Variants in CRYZ observed in about 807,000 individuals in gnomAD.
The protein encoded by CRYZ is crystallin zeta.
A neutral mutation model predicts 34.1 loss-of-function variants in CRYZ; 35 were observed. The observed-to-expected ratio is 1.03, with a 90% confidence interval of 0.78 to 1.36. CRYZ has a LOEUF of 1.36. Ranked by LOEUF, CRYZ falls within the 40% of genes most tolerant of loss-of-function variation. The pLI, the probability that CRYZ is intolerant of heterozygous loss-of-function variation, is 0.00. For synonymous variants in CRYZ, 137 were observed against 136.5 expected (o/e 1.00, Z -0.03); for missense variants, 403 against 391.8 (o/e 1.03, Z -0.24).
intron 5 of CRYZ, among the ~76,000 whole-genome samples, chr1:74,711,217 G>A (rs945351095): frequency 6.6e-5 from 10 of 152,166 alleles, no homozygotes; most frequent in African/African-American, 2.4e-4. Context: ...AGAGGCTTCC[G>A]AGTATATTAA....
At chr1:74,714,065 A>G (rs1044581897) in intron 5 of CRYZ, among the ~76,000 whole-genome samples, 2 of 151,900 alleles carry the variant, frequency 1.3e-5, no homozygotes, top group African/African-American at 4.8e-5. Flanking sequence ...GGTGTTAAGG[A>G]CAGGGCTGTA....
chr1:74,722,999 T>G lies in CRYZ; in HGVS notation c.264+119A>C, dbSNP rs141839145. 538 of 935,530 alleles carry G rather than the reference T, an allele frequency of 5.8e-4. 1 individual carries two copies. The African/African-American group carries it at 8.3e-3, about 14-fold the overall frequency. 58.0% of individuals were successfully genotyped at this position (935,530 alleles called of 1,614,324 possible). ...TTTTTGACTAGAGGAGTCCCCCGAGTGGCAGAAATTGTGTAATGGGGCCTT... is the reference window on the plus strand; with the variant it reads ...TTTTTGACTAGAGGAGTCCCCCGAGGGGCAGAAATTGTGTAATGGGGCCTT... On this transcript the variant is annotated intron_variant, in intron 3 of 8. Transcript: ENST00000340866.
rs775465306 is a variant in CRYZ, at chr1:74,710,112, T to C, written c.616A>G (p.Ile206Val). The C allele has an allele frequency of 6.2e-6, 10 of 1,612,954 alleles. No homozygotes were observed. Among genetic ancestry groups the C allele is most frequent in the Non-Finnish European group, 8.5e-6 (10 of 1,179,486 alleles). The change falls in exon 6 of 9, where the codon ATT (isoleucine) becomes GTT (valine). Residue 206 changes from isoleucine to valine, a missense_variant. Transcript: ENST00000340866. ...EVFNHREVNY[I>V]DKIKKYVGEK... ...GAAAATTTTACCTTAATTTTATCAATGTAATTCACTTCTCTGTGATTGAAC... is the reference window on the plus strand; with the variant it reads ...GAAAATTTTACCTTAATTTTATCAACGTAATTCACTTCTCTGTGATTGAAC...
Position 74,727,270 on chromosome 1 carries a change from A to G in CRYZ, c.-13-2436T>C, listed in dbSNP as rs144576274. ...TGAGACTGGGTACAATTTATAAAGG[A>G]AAGAGGTTTAAGGGATCACAGTTTC... On this transcript the variant is annotated intron_variant, in intron 1 of 8. Transcript: ENST00000340866. Among the ~76,000 whole-genome samples, 496 of 124,976 alleles carry G rather than the reference A, an allele frequency of 4.0e-3. 2 individuals are homozygous for G. The highest frequency in any genetic ancestry group is 0.013 in the African/African-American group (481 of 38,270). 82.0% of individuals were successfully genotyped at this position (124,976 alleles called of 152,430 possible). A position where few individuals can be genotyped will look rare whatever the true frequency, so the allele number is the denominator to read the frequency against.
chr1:74,711,466 G>A (rs528327232), intron 5 of CRYZ, among the ~76,000 whole-genome samples: 1 of 152,322 alleles, frequency 6.6e-6, no homozygotes, highest in Admixed American at 6.5e-5. Context: ...AAGCTAATGG[G>A]ACTTCCTCAC....
chr1:74,710,300 A>G, intron 5 of CRYZ, 53 bp from the exon 6 acceptor site: 1 of 1,527,654 alleles, frequency 6.5e-7, no homozygotes, highest in Non-Finnish European at 8.9e-7. Context: ...TCCTGTAAAC[A>G]CTTAAATACA....
intron 6 of CRYZ, chr1:74,707,630 C>T (rs916041394): frequency 6.5e-6 from 1 of 153,174 alleles, no homozygotes; most frequent in Non-Finnish European, 1.5e-5. Flanking sequence ...TTCGGTTTTG[C>T]ATGATTTTTG....
intron 6 of CRYZ, 21 bp from the exon 7 acceptor site, chr1:74,707,225 G>A (rs1426032109): frequency 7.5e-7 from 1 of 1,338,846 alleles, no homozygotes; most frequent in African/African-American, 1.5e-5. Flanking sequence ...AAAGAGAAAT[G>A]TAGAGTAAGA....
intron 4 of CRYZ, among the ~76,000 whole-genome samples, chr1:74,717,521 T>G (rs1647094311): frequency 6.6e-6 from 1 of 152,200 alleles, no homozygotes; most frequent in African/African-American, 2.4e-5. Context: ...TTGCCACTCC[T>G]AAGGCTGCCA....
chr1:74,721,484 T>A (rs1647162749), intron 3 of CRYZ, among the ~76,000 whole-genome samples: 1 of 152,128 alleles, frequency 6.6e-6, no homozygotes, highest in South Asian at 2.1e-4. Context: ...GATGCAAGAA[T>A]GAAAACAGAG....
At chr1:74,721,781 T>C (rs1469429895) in intron 3 of CRYZ, among the ~76,000 whole-genome samples, 1 of 152,144 alleles carries the variant, frequency 6.6e-6, no homozygotes, top group Non-Finnish European at 1.5e-5. Context: ...TAGACATGTT[T>C]TGTAAGAGAT....
chr1:74,723,511 G>A (rs1039964852), intron 2 of CRYZ, among the ~76,000 whole-genome samples: 1 of 152,180 alleles, frequency 6.6e-6, no homozygotes, highest in African/African-American at 2.4e-5. Context: ...TATCTAAGGG[G>A]ATATGTGGCA....
chr1:74,715,537 C>T (rs1647059770), intron 4 of CRYZ, among the ~76,000 whole-genome samples: 1 of 152,178 alleles, frequency 6.6e-6, no homozygotes, highest in Admixed American at 6.6e-5. Context: ...CAGCTATGCA[C>T]CAACAGCTGA....
At position 74,719,246 on chromosome 1, in the gene CRYZ, TGCCGATG is replaced by T; in HGVS notation, c.384_390del (p.Ile129PhefsTer10). 6.2e-7 allele frequency: 1 copy of T among 1,613,896 alleles called. No homozygotes were observed. Among genetic ancestry groups the T allele is most frequent in the Non-Finnish European group, 8.5e-7 (1 of 1,179,810 alleles). On this transcript the variant is annotated frameshift_variant, in exon 4 of 9. Coordinates refer to ENST00000340866, the MANE Select transcript of CRYZ (RefSeq NM_001889.4). LOFTEE classifies it high-confidence loss of function. ...GCTCGATAAGCAGTAAAATATGGAA[TGCCGATG>T]GCAGCTCCTTGTTTAAAGTCCAGTT... is the stretch of plus-strand genomic sequence containing the variant.
At chr1:74,711,734 C>T (rs769873597) in intron 5 of CRYZ, among the ~76,000 whole-genome samples, 7 of 152,020 alleles carry the variant, frequency 4.6e-5, no homozygotes, top group Non-Finnish European at 5.9e-5. Flanking sequence ...GTCTGGGCAA[C>T]GGAGCAAGAC....
intron 4 of CRYZ, among the ~76,000 whole-genome samples, chr1:74,715,364 G>T (rs915693922): frequency 1.3e-5 from 2 of 152,212 alleles, no homozygotes; most frequent in African/African-American, 4.8e-5. Flanking sequence ...ATTCCAGATG[G>T]ACGGTGCCAA....
At chr1:74,707,290 A>G in intron 6 of CRYZ, 86 bp from the exon 7 acceptor site, 5 of 717,252 alleles carry the variant, frequency 7.0e-6, no homozygotes, top group Non-Finnish European at 1.2e-5. Flanking sequence ...TTATAGAAAT[A>G]TGTTTCAAAT....
intron 1 of CRYZ, among the ~76,000 whole-genome samples, chr1:74,725,448 T>C (rs187508807): frequency 1.3e-5 from 2 of 152,252 alleles, no homozygotes; most frequent in South Asian, 2.1e-4. Context: ...CCATCAGATA[T>C]TGTGAGACTT....
chr1:74,713,494 A>C (rs1208283961), intron 5 of CRYZ, among the ~76,000 whole-genome samples: 1 of 152,196 alleles, frequency 6.6e-6, no homozygotes, highest in African/African-American at 2.4e-5. Context: ...AAGCCCCATA[A>C]AGACAATCCT....
Sources: gnomAD v4.1 joint callset for allele counts (sites outside exome capture counted in the v4.1 genomes callset) on GRCh38, gnomAD v4.1.1 for gene constraint, MANE v1.5 for transcripts, NCBI Gene and HGNC (gene_info 2026-07-23, HGNC 2026-07-21) for gene names.